ITGA9: variants seen among roughly 807,000 people sequenced by gnomAD.
ITGA9 encodes integrin subunit alpha 9, also known as integrin alpha-9.
ITGA9 carries 56 observed loss-of-function variants against 127.8 expected under a neutral mutation model. The ratio of observed to expected loss-of-function variants is 0.44; its 90% CI spans 0.35 to 0.55. The LOEUF (loss-of-function observed/expected upper bound fraction) is 0.55. Ranked by LOEUF, ITGA9 falls within the 20% of genes least tolerant of loss-of-function variation. ITGA9 has a pLI of 0.00. For synonymous variants in ITGA9, 508 were observed against 514.5 expected (o/e 0.99, Z 0.17); for missense variants, 1,196 against 1,347.1 (o/e 0.89, Z 1.76).
intron 4 of ITGA9, among the ~76,000 whole-genome samples, chr3:37,489,184 A>G (rs1283455112): frequency 6.6e-6 from 1 of 152,252 alleles, no homozygotes; most frequent in Non-Finnish European, 1.5e-5. Flanking sequence ...AGGAATATTT[A>G]ATAATATTCC....
rs930463126 is a variant in ITGA9, at chr3:37,597,112, C to T, written c.1690-32075C>T. ...TGAAGTAGGGCCAAGTTGGAAGAGG[C>T]GAGGAAGTTTAACTTTAAATGAAAT... On this transcript the variant is annotated intron_variant, in intron 15 of 27. Coordinates refer to ENST00000264741, the MANE Select transcript of ITGA9 (RefSeq NM_002207.3). The surrounding 1 kb of genome is among the most constrained non-coding windows in gnomAD (Gnocchi z 4.6). 3.1e-4 allele frequency among the ~76,000 whole-genome samples: 47 copies of T among 152,158 alleles called. No homozygotes were observed. Among genetic ancestry groups the T allele is most frequent in the Admixed American group, 9.2e-4 (14 of 15,280 alleles).
chr3:37,468,987 G>A (rs1277232459), intron 1 of ITGA9, among the ~76,000 whole-genome samples: 12 of 152,294 alleles, frequency 7.9e-5, no homozygotes, highest in East Asian at 1.9e-4. Flanking sequence ...AGCACAAACC[G>A]TGCCTGATTA....
intron 9 of ITGA9, among the ~76,000 whole-genome samples, chr3:37,516,325 G>A (rs1698983396): frequency 6.6e-6 from 1 of 152,186 alleles, no homozygotes; most frequent in South Asian, 2.1e-4. Context: ...TCTGACTTTG[G>A]AGCAAGGTGG....
At chr3:37,459,158 G>A (rs923175410) in intron 1 of ITGA9, among the ~76,000 whole-genome samples, 9 of 152,166 alleles carry the variant, frequency 5.9e-5, no homozygotes, top group African/African-American at 2.2e-4. Context: ...AACACCAAAA[G>A]CAGCAACAGT....
intron 18 of ITGA9, among the ~76,000 whole-genome samples, chr3:37,701,950 G>A (rs2125673199): frequency 6.6e-6 from 1 of 152,276 alleles, no homozygotes; most frequent in South Asian, 2.1e-4. Context: ...GACATAACGA[G>A]GTCATCTCTG....
intron 18 of ITGA9, among the ~76,000 whole-genome samples, chr3:37,723,778 G>A (rs572432975): frequency 2.1e-4 from 32 of 152,362 alleles, no homozygotes; most frequent in African/African-American, 4.8e-4. Flanking sequence ...AGAACAGGGC[G>A]TGATATAGGG....
chr3:37,776,526 T>G (rs576625592), intron 23 of ITGA9, among the ~76,000 whole-genome samples: 1 of 152,360 alleles, frequency 6.6e-6, no homozygotes, highest in East Asian at 1.9e-4. Flanking sequence ...AATTTTCTGG[T>G]TTAACCTCAC....
chr3:37,512,792 C>T (rs960134433), intron 8 of ITGA9, among the ~76,000 whole-genome samples: 2 of 152,092 alleles, frequency 1.3e-5, no homozygotes. Flanking sequence ...CTTGTGGGCT[C>T]CAGTTTGCCA....
intron 27 of ITGA9, among the ~76,000 whole-genome samples, chr3:37,811,698 A>G (rs1697370666): frequency 1.3e-5 from 2 of 152,122 alleles, no homozygotes; most frequent in South Asian, 4.1e-4. Context: ...TCTCTCTCCC[A>G]TTTGACCCTT....
chr3:37,716,360 G>A (rs1216133669), intron 18 of ITGA9, among the ~76,000 whole-genome samples: 4 of 151,718 alleles, frequency 2.6e-5, no homozygotes, highest in Non-Finnish European at 5.9e-5. Flanking sequence ...GAAGCAGAAC[G>A]AAAAAATGGT....
At chr3:37,635,628 T>A (rs1207636896) in intron 16 of ITGA9, among the ~76,000 whole-genome samples, 9 of 152,258 alleles carry the variant, frequency 5.9e-5, no homozygotes, top group African/African-American at 1.4e-4. Flanking sequence ...TCTCTTTTTT[T>A]AAAGTTTTAT....
chr3:37,551,173 G>C (rs1428241865), intron 15 of ITGA9, among the ~76,000 whole-genome samples: 3 of 152,064 alleles, frequency 2.0e-5, no homozygotes, highest in Admixed American at 2.0e-4. Flanking sequence ...TGGATTTATT[G>C]GATAGTGTAA....
chr3:37,490,975 C>CCCCCTT (rs548395527), intron 4 of ITGA9, among the ~76,000 whole-genome samples: 2 of 105,104 alleles, frequency 1.9e-5, no homozygotes, highest in African/African-American at 3.6e-5. Context: ...TTCCCCCCCG[C>CCCCCTT]TTTTTTTTTT....
intron 12 of ITGA9, 100 bp from the exon 13 acceptor site, chr3:37,525,926 G>A: frequency 1.1e-6 from 1 of 931,776 alleles, no homozygotes; most frequent in East Asian, 2.4e-5. Flanking sequence ...GGGCTCTCCG[G>A]CCTCAAGGCT....
At chr3:37,784,832 T>C (rs1460490926) in intron 25 of ITGA9, 145 bp from the exon 26 acceptor site, 4 of 692,498 alleles carry the variant, frequency 5.8e-6, no homozygotes, top group Middle Eastern at 2.4e-4. Context: ...TGTGGGTGCC[T>C]GGGATGGAGA....
At chr3:37,746,861 G>A (rs1352618756) in intron 22 of ITGA9, among the ~76,000 whole-genome samples, 1 of 152,146 alleles carries the variant, frequency 6.6e-6, no homozygotes, top group African/African-American at 2.4e-5. Flanking sequence ...CAAAGACACA[G>A]TTTTCTAGGG....
At chr3:37,532,805 A>G (rs1699167341) in intron 13 of ITGA9, among the ~76,000 whole-genome samples, 1 of 152,210 alleles carries the variant, frequency 6.6e-6, no homozygotes, top group Admixed American at 6.5e-5. Context: ...GAAATTACCC[A>G]ATGAATTGGT....
intron 17 of ITGA9, among the ~76,000 whole-genome samples, chr3:37,679,000 A>G (rs572269997): frequency 1.9e-4 from 29 of 152,340 alleles, no homozygotes; most frequent in African/African-American, 6.7e-4. Context: ...AAAAAAAGCC[A>G]GCTGCTATAA....
At chr3:37,574,877 G>C (rs991980119) in intron 15 of ITGA9, among the ~76,000 whole-genome samples, 1 of 152,134 alleles carries the variant, frequency 6.6e-6, no homozygotes, top group Admixed American at 6.5e-5. Flanking sequence ...GGATCAGAAT[G>C]ACTTCACCCA....
Sources: gnomAD v4.1 joint callset for allele counts (sites outside exome capture counted in the v4.1 genomes callset) on GRCh38, gnomAD v4.1.1 for gene constraint, Gnocchi (gnomAD v3.1) non-coding constraint, MANE v1.5 for transcripts, NCBI Gene and HGNC (gene_info 2026-07-23, HGNC 2026-07-21) for gene names.